The following PRKCA variants were observed in gnomAD, a reference collection of about 807,000 sequenced individuals.
PRKCA encodes the protein protein kinase C alpha.
In PRKCA, 27 loss-of-function variants were observed where a neutral mutation model predicts 87.0. The ratio of observed to expected loss-of-function variants is 0.31; its 90% CI spans 0.23 to 0.43. The LOEUF (loss-of-function observed/expected upper bound fraction) is 0.43. Ranked by LOEUF, PRKCA falls within the 20% of genes least tolerant of loss-of-function variation. PRKCA has a pLI of 1.00. For missense variants in PRKCA, 518 were observed against 852.3 expected, an observed-to-expected ratio of 0.61 and a Z score of 4.88; for synonymous variants, 329 against 311.1, an observed-to-expected ratio of 1.06 and a Z score of -0.61.
intron 2 of PRKCA, among the ~76,000 whole-genome samples, chr17:66,308,897 T>C (rs35183571): frequency 0.39 from 59,141 of 151,614 alleles, 11,686 homozygotes; most frequent in East Asian, 0.57. Flanking sequence ...GTTTTTTTTT[T>C]CCTCGGTTTT....
At chr17:66,708,045 G>A (rs1973232249) in intron 8 of PRKCA, among the ~76,000 whole-genome samples, 1 of 152,160 alleles carries the variant, frequency 6.6e-6, no homozygotes, top group African/African-American at 2.4e-5. Flanking sequence ...TCATGGTGTT[G>A]TATTTTGGTT....
At chr17:66,500,410 A>T (rs1916675120) in intron 3 of PRKCA, among the ~76,000 whole-genome samples, 1 of 152,234 alleles carries the variant, frequency 6.6e-6, no homozygotes, top group Non-Finnish European at 1.5e-5. Context: ...TCATGAAGGC[A>T]TTGGGAGGTA....
chr17:66,721,855 T>A (rs998324087), intron 8 of PRKCA, among the ~76,000 whole-genome samples: 3 of 152,058 alleles, frequency 2.0e-5, no homozygotes, highest in Non-Finnish European at 2.9e-5. Flanking sequence ...CTCCCAGGAG[T>A]GCAAATGCAG....
At chr17:66,353,852 T>C (rs1240262041) in intron 2 of PRKCA, among the ~76,000 whole-genome samples, 3 of 152,202 alleles carry the variant, frequency 2.0e-5, no homozygotes, top group Non-Finnish European at 4.4e-5. Flanking sequence ...ACAGGTATCT[T>C]GCTTCAGCTC....
chr17:66,321,394 T>C (rs1017467102), intron 2 of PRKCA, among the ~76,000 whole-genome samples: 5 of 152,220 alleles, frequency 3.3e-5, no homozygotes, highest in Admixed American at 2.0e-4. Context: ...ACAGCTGATT[T>C]GATATGTATG....
intron 14 of PRKCA, chr17:66,777,898 C>G: frequency 1.0e-6 from 1 of 985,366 alleles, no homozygotes; most frequent in Non-Finnish European, 1.2e-6. Context: ...TGGCTTCTCC[C>G]CTCTCCAAGC....
At chr17:66,780,339 C>T (rs534276147) in intron 14 of PRKCA, among the ~76,000 whole-genome samples, 33 of 151,992 alleles carry the variant, frequency 2.2e-4, no homozygotes, top group African/African-American at 7.0e-4. Context: ...TTGCAACAGT[C>T]GGTGAAAAAC....
At position 66,587,895 on chromosome 17, in the gene PRKCA, G is replaced by GTATGTA. The variant is rs1969669394; in HGVS notation, c.289-53457_289-53456insGTATAT. On this transcript the variant is annotated intron_variant, in intron 3 of 16. Coordinates refer to ENST00000413366, the MANE Select transcript of PRKCA (RefSeq NM_002737.3). Reference sequence around the variant, plus strand: ...TGTGTGTGTGTGTGTGTGTGTGTGTGTATATATATATATATATATATATAT... The same window carrying GTATGTA: ...TGTGTGTGTGTGTGTGTGTGTGTGTGTATGTATATATATATATATATATATATATAT... 3.5e-5 allele frequency among the ~76,000 whole-genome samples: 3 copies of GTATGTA among 85,418 alleles called. No individual in the cohort carries two copies. The East Asian group carries it at 1.0e-3, about 30-fold the overall frequency. 56.0% of individuals were successfully genotyped at this position (85,418 alleles called of 152,430 possible). A position where few individuals can be genotyped will look rare whatever the true frequency, so the allele number is the denominator to read the frequency against.
chr17:66,743,993 T>C (rs1974215398), intron 13 of PRKCA, among the ~76,000 whole-genome samples: 1 of 152,120 alleles, frequency 6.6e-6, no homozygotes. Context: ...CCTTGTAGAA[T>C]TGCTGTGTGG....
At chr17:66,473,039 T>C (rs949923081) in intron 2 of PRKCA, among the ~76,000 whole-genome samples, 3 of 152,146 alleles carry the variant, frequency 2.0e-5, no homozygotes, top group African/African-American at 7.2e-5. Context: ...GCTACCATTA[T>C]GGAGGAATTG....
At chr17:66,695,622 T>G (rs540784136) in intron 8 of PRKCA, among the ~76,000 whole-genome samples, 1 of 152,362 alleles carries the variant, frequency 6.6e-6, no homozygotes, top group East Asian at 1.9e-4. Flanking sequence ...ATTAAGAAGC[T>G]AAAAGCGCCT....
Position 66,615,421 on chromosome 17 carries a change from A to C in PRKCA, c.289-25934A>C, listed in dbSNP as rs993116471. ...TGAAGATAGCACTTGGGGATTGAGGAGTCTGGTCTGGGAAGTGAACCTTGT... is the reference window on the plus strand; with the variant it reads ...TGAAGATAGCACTTGGGGATTGAGGCGTCTGGTCTGGGAAGTGAACCTTGT... On this transcript the variant is annotated intron_variant, in intron 3 of 16. Transcript: ENST00000413366. 2.6e-5 allele frequency among the ~76,000 whole-genome samples: 4 copies of C among 152,164 alleles called. No individual in the cohort carries two copies. The South Asian group carries it at 8.3e-4, about 32-fold the overall frequency.
intron 2 of PRKCA, among the ~76,000 whole-genome samples, chr17:66,486,033 G>T (rs7225164): frequency 1.3e-5 from 2 of 151,926 alleles, no homozygotes; most frequent in Non-Finnish European, 2.9e-5. Context: ...GTACTGCCAA[G>T]TGAGGAAGGC....
chr17:66,801,105 G>T (rs1487053859), intron 16 of PRKCA, among the ~76,000 whole-genome samples: 2 of 152,196 alleles, frequency 1.3e-5, no homozygotes, highest in African/African-American at 4.8e-5. Context: ...TGTGACTTCT[G>T]CCGCTTCTCC....
chr17:66,520,645 G>C (rs1252974659), intron 3 of PRKCA, among the ~76,000 whole-genome samples: 1 of 151,400 alleles, frequency 6.6e-6, no homozygotes, highest in Non-Finnish European at 1.5e-5. Flanking sequence ...AATGCAGTTA[G>C]CAACCATTTT....
intron 2 of PRKCA, among the ~76,000 whole-genome samples, chr17:66,429,472 T>A (rs1912989261): frequency 6.6e-6 from 1 of 152,232 alleles, no homozygotes; most frequent in Admixed American, 6.5e-5. Flanking sequence ...GTTTTCTACT[T>A]CACTGTGGTT....
intron 14 of PRKCA, 37 bp from the exon 15 acceptor site, chr17:66,786,830 C>T: frequency 6.4e-7 from 1 of 1,562,428 alleles, no homozygotes; most frequent in Non-Finnish European, 8.8e-7. Context: ...ATTACTCTGC[C>T]TAAATACTTT....
intron 16 of PRKCA, among the ~76,000 whole-genome samples, chr17:66,790,655 C>T (rs1199226961): frequency 6.6e-6 from 1 of 152,168 alleles, no homozygotes; most frequent in Non-Finnish European, 1.5e-5. Flanking sequence ...ACTGACCCCG[C>T]CTTGAGGGTT....
chr17:66,492,944 G>T (rs192811437), intron 2 of PRKCA, among the ~76,000 whole-genome samples: 1 of 152,158 alleles, frequency 6.6e-6, no homozygotes, highest in Non-Finnish European at 1.5e-5. Context: ...TGTGGCCAGC[G>T]TGCTGGGCAG....
Sources: allele counts gnomAD v4.1 joint callset (sites outside exome capture counted in the v4.1 genomes callset), GRCh38; gene constraint gnomAD v4.1.1; transcripts MANE v1.5; gene names NCBI Gene and HGNC (gene_info 2026-07-23, HGNC 2026-07-21).